NUP58: variants seen among roughly 807,000 people sequenced by gnomAD.
NUP58 encodes nucleoporin 58, also known as nucleoporin p58/p45.
NUP58 carries 17 observed loss-of-function variants against 70.1 expected under a neutral mutation model. The ratio of observed to expected loss-of-function variants is 0.24; its 90% CI spans 0.17 to 0.36. The LOEUF (loss-of-function observed/expected upper bound fraction) is 0.36. Ranked by LOEUF, NUP58 falls within the 10% of genes least tolerant of loss-of-function variation. NUP58 has a pLI of 1.00. For missense variants in NUP58, 644 were observed against 701.5 expected (o/e 0.92, Z 0.93); for synonymous variants, 275 against 257.6 (o/e 1.07, Z -0.65).
In NUP58 at chr13:25,301,772, A is replaced by C. The variant is rs113070714; in HGVS notation, c.-2A>C. 5,781 of 1,607,096 alleles carry C rather than the reference A, an allele frequency of 3.6e-3. 153 individuals are homozygous for C. The African/African-American group carries it at 0.064, about 18-fold the overall frequency. ...GCTGACGGCGTCGAGCCCTGGCCAG[A>C]CATGTCCACAGGGTTCTCCTTCGGG... On this transcript the variant is annotated 5_prime_UTR_variant, in exon 1 of 16. Transcript: ENST00000381736.
At chr13:25,327,408 A>G in intron 11 of NUP58, 22 bp from the exon 12 acceptor site, 2 of 1,458,538 alleles carry the variant, frequency 1.4e-6, no homozygotes, top group Non-Finnish European at 1.9e-6. Flanking sequence ...TATTTGGGTG[A>G]TAATGTAATT....
chr13:25,309,965 A>C (rs2030568500), intron 3 of NUP58: 1 of 377,926 alleles, frequency 2.6e-6, no homozygotes, highest in Admixed American at 2.9e-5. Context: ...AACAGAAAAC[A>C]ACACATCTGT....
intron 9 of NUP58, among the ~76,000 whole-genome samples, chr13:25,321,977 A>G (rs1463530986): frequency 6.6e-6 from 1 of 152,192 alleles, no homozygotes; most frequent in Admixed American, 6.5e-5. Flanking sequence ...ACTAATGTCT[A>G]CTTGTTTTTC....
At position 25,319,370 on chromosome 13, in the gene NUP58, C is replaced by T. The variant is rs1243760561; in HGVS notation, c.710+20C>T. The T allele has an allele frequency of 6.2e-7, 1 of 1,601,120 alleles. No homozygotes were observed. Among genetic ancestry groups the T allele is most frequent in the Non-Finnish European group, 8.6e-7 (1 of 1,169,088 alleles). ...ACCAGAGTAAGTTTACAAATTTACC[C>T]TTAAGGCATTTTAATTGAAGAGTTT... On this transcript the variant is annotated intron_variant, in intron 7 of 15. Coordinates refer to ENST00000381736, the MANE Select transcript of NUP58 (RefSeq NM_014089.4).
At chr13:25,313,773 C>T in intron 5 of NUP58, 22 bp downstream of exon 5, 1 of 1,492,350 alleles carries the variant, frequency 6.7e-7, no homozygotes, top group Admixed American at 2.8e-5. Flanking sequence ...TATTTATTCT[C>T]CAGAATAGTA....
chr13:25,313,885 T>G (rs1325621585), intron 5 of NUP58, 134 bp downstream of exon 5: 1 of 627,710 alleles, frequency 1.6e-6, no homozygotes, highest in Non-Finnish European at 2.5e-6. Flanking sequence ...AATTATAAAA[T>G]GATGGTTTTC....
chr13:25,331,298 C>A, intron 12 of NUP58, 59 bp from the exon 13 acceptor site: 1 of 1,465,022 alleles, frequency 6.8e-7, no homozygotes, highest in Non-Finnish European at 9.5e-7. Context: ...TATTCATCCA[C>A]ATATTAACCA....
chr13:25,346,551 C>T (rs1268008112), downstream of NUP58, among the ~76,000 whole-genome samples: 1 of 151,982 alleles, frequency 6.6e-6, no homozygotes, highest in Non-Finnish European at 1.5e-5. Context: ...GAAACCCTGT[C>T]TCTACTAAAA....
chr13:25,320,199 G>A (rs899966946), intron 7 of NUP58: 1 of 178,178 alleles, frequency 5.6e-6, no homozygotes, highest in African/African-American at 2.4e-5. Context: ...TTAAGCCAGA[G>A]GGAACTTAGT....
chr13:25,335,460 TG>T (rs2031747688), intron 13 of NUP58: 1 of 985,176 alleles, frequency 1.0e-6, no homozygotes, highest in African/African-American at 1.7e-5. Context: ...TTATGTTTTT[TG>T]TTAGGAATCA....
At position 25,340,405 on chromosome 13, in the gene NUP58, A is replaced by G. The variant is rs1477871021; in HGVS notation, c.*271A>G. ...CACTGATTGGTAATGGTTAGAAACC[A>G]TTAACCTAAAACTTACTATTTAACC... On this transcript the variant is annotated 3_prime_UTR_variant, in exon 16 of 16. Transcript: ENST00000381736. 7.2e-6 allele frequency: 2 copies of G among 279,308 alleles called. No individual in the cohort carries two copies. Among genetic ancestry groups the G allele is most frequent in the Non-Finnish European group, 1.3e-5 (2 of 152,000 alleles). 17.3% of individuals were successfully genotyped at this position (279,308 alleles called of 1,614,324 possible). A position where few individuals can be genotyped will look rare whatever the true frequency, so the allele number is the denominator to read the frequency against.
In NUP58 at chr13:25,315,699, T is replaced by C. The variant is rs143764894; in HGVS notation, c.685+232T>C. On this transcript the variant is annotated intron_variant, in intron 6 of 15. Transcript: ENST00000381736. Reference sequence around the variant, plus strand: ...AGAAGCATTTGTCTGTCAGTAACTCTTTTTAAATATTTTAATGCTGCTTAA... The same window carrying C: ...AGAAGCATTTGTCTGTCAGTAACTCCTTTTAAATATTTTAATGCTGCTTAA... 2.1e-3 allele frequency among the ~76,000 whole-genome samples: 323 copies of C among 152,308 alleles called. 3 individuals are homozygous for C. The highest frequency in any genetic ancestry group is 7.4e-3 in the African/African-American group (307 of 41,570).
rs761991284 is a variant in NUP58 at position 25,313,711 on chromosome 13, G to A, written c.534G>A (p.Leu178=). ...CTTTAGGGGGAGCCTTAGCTGGTTTGGGAGGTTCACTTTTCCAGAGTACAA... is the reference window on the plus strand; with the variant it reads ...CTTTAGGGGGAGCCTTAGCTGGTTTAGGAGGTTCACTTTTCCAGAGTACAA... ...GLSLGGALAG[L]GGSLFQSTNT... Residue 178 remains leucine (L), a synonymous_variant, in exon 5 of 16, where the codon TTG becomes TTA. Transcript: ENST00000381736. The A allele has an allele frequency of 6.5e-7, 1 of 1,532,662 alleles. No individual in the cohort carries two copies. The highest frequency in any genetic ancestry group is 1.3e-5 in the South Asian group (1 of 75,660). 94.9% of individuals were successfully genotyped at this position (1,532,662 alleles called of 1,614,324 possible).
At chr13:25,332,171 A>C (rs1226409191) in intron 13 of NUP58, 29 of 985,914 alleles carry the variant, frequency 2.9e-5, no homozygotes, top group Non-Finnish European at 3.5e-5. Flanking sequence ...CAAGAGCAGG[A>C]AAAAGATGTT....
At chr13:25,309,426 G>C in intron 3 of NUP58, 144 bp downstream of exon 3, 1 of 601,738 alleles carries the variant, frequency 1.7e-6, no homozygotes, top group East Asian at 3.0e-5. Flanking sequence ...GTGACTTATC[G>C]GAGAACCTTT....
At chr13:25,316,866 A>G (rs2030954714) in intron 6 of NUP58, among the ~76,000 whole-genome samples, 5 of 152,218 alleles carry the variant, frequency 3.3e-5, no homozygotes, top group African/African-American at 1.2e-4. Flanking sequence ...TTGAGCAAGG[A>G]GAATATATAC....
rs754278091 is a variant in NUP58 at position 25,301,723 on chromosome 13, A to C, written c.-51A>C. The C allele has an allele frequency of 1.6e-5, 17 of 1,043,674 alleles. No homozygotes were observed. Among genetic ancestry groups the C allele is most frequent in the Non-Finnish European group, 2.2e-5 (16 of 731,384 alleles). The allele number at this position is 1,043,674 out of a possible 1,614,324, so 64.7% of individuals were successfully genotyped here. ...CCCGCCTCGGCTTTGAGGCGAGAGA[A>C]GTGTCCCAGACCCATTTCGCCTTGC... On this transcript the variant is annotated 5_prime_UTR_variant, in exon 1 of 16. Transcript: ENST00000381736.
At chr13:25,304,728 C>G (rs990276114) in intron 1 of NUP58, among the ~76,000 whole-genome samples, 3 of 151,472 alleles carry the variant, frequency 2.0e-5, no homozygotes, top group African/African-American at 4.9e-5. Flanking sequence ...TGGGGTTTCA[C>G]CATGTTGGCC....
At chr13:25,303,541 T>C (rs890604915) in intron 1 of NUP58, among the ~76,000 whole-genome samples, 2 of 152,192 alleles carry the variant, frequency 1.3e-5, no homozygotes, top group Non-Finnish European at 2.9e-5. Context: ...ACATGGCCTT[T>C]TCTCTTTTCA....
Sources: gnomAD v4.1 joint callset for allele counts (sites outside exome capture counted in the v4.1 genomes callset) on GRCh38, gnomAD v4.1.1 for gene constraint, MANE v1.5 for transcripts, NCBI Gene and HGNC (gene_info 2026-07-23, HGNC 2026-07-21) for gene names.